DNAH17: variants seen among roughly 807,000 people sequenced by gnomAD.
The protein encoded by DNAH17 is axonemal beta dynein heavy chain 17.
DNAH17 carries 376 observed loss-of-function variants against 485.6 expected under a neutral mutation model. The observed-to-expected ratio is 0.77, with a 90% CI of 0.71 to 0.84. The LOEUF (loss-of-function observed/expected upper bound fraction) is 0.84. Among genes scored for constraint, DNAH17 ranks in the 40% least tolerant of loss-of-function variants. The pLI is 0.00. For synonymous variants in DNAH17, 3,031 were observed against 2,405.9 expected, an observed-to-expected ratio of 1.26 and a Z score of -7.60; for missense variants, 6,370 against 5,839.3, an observed-to-expected ratio of 1.09 and a Z score of -2.96.
chr17:78,468,581 G>A, intron 55 of DNAH17, 36 bp downstream of exon 55: 2 of 1,596,130 alleles, frequency 1.3e-6, no homozygotes, highest in Non-Finnish European at 1.7e-6. Context: ...GCACCAAGCT[G>A]GGCTCTTGAG....
intron 31 of DNAH17, among the ~76,000 whole-genome samples, chr17:78,503,737 G>C (rs917548461): frequency 1.3e-5 from 2 of 151,956 alleles, no homozygotes. Flanking sequence ...AGGCTGAGGC[G>C]GGTGGATCAC....
intron 26 of DNAH17, among the ~76,000 whole-genome samples, chr17:78,512,903 T>C (rs1410351668): frequency 8.4e-5 from 11 of 131,710 alleles, no homozygotes; most frequent in Admixed American, 8.2e-4. Flanking sequence ...ATTGTGTCAC[T>C]GAACTCCAGC....
intron 38 of DNAH17, 76 bp downstream of exon 38, chr17:78,495,799 C>T: frequency 1.3e-6 from 2 of 1,536,844 alleles, no homozygotes; most frequent in Non-Finnish European, 1.8e-6. Flanking sequence ...TCCCCTCTGC[C>T]CACTCCTTGG....
Position 78,459,208 on chromosome 17 carries a change from C to T in DNAH17, c.9654G>A (p.Lys3218=), listed in dbSNP as rs1446460694. 5 of 1,613,570 alleles carry T rather than the reference C, an allele frequency of 3.1e-6. No individual in the cohort carries two copies. The highest frequency in any genetic ancestry group is 4.2e-6 in the Non-Finnish European group (5 of 1,179,862). Residue 3218 remains lysine (K), a splice_region_variant and synonymous_variant, in exon 61 of 81, where the codon AAG becomes AAA. Coordinates refer to ENST00000389840, the MANE Select transcript of DNAH17 (RefSeq NM_173628.4). Reference sequence around the variant, plus strand: ...CGAACGTCGGGTTGCCTTGGTAGGGCCTAGCGAGGGAACCAGAGGGCCGGA... The same window carrying T: ...CGAACGTCGGGTTGCCTTGGTAGGGTCTAGCGAGGGAACCAGAGGGCCGGA... ...HIPEACLKAF[K]PYQGNPTFDP...
rs371804265 is a variant in DNAH17, at chr17:78,530,918, G to T, written c.3115-406C>A. Among the ~76,000 whole-genome samples the T allele has an allele frequency of 7.9e-5, 12 of 152,328 alleles. No homozygotes were observed. In the East Asian group the frequency reaches 2.1e-3, roughly 27 times the overall value. On this transcript the variant is annotated intron_variant, in intron 20 of 80. Transcript: ENST00000389840. ...TGCTACAGAATGTACCCCTGGGCATGGGTCACCCTTGCCCACGGGGCCCTC... is the reference window on the plus strand; with the variant it reads ...TGCTACAGAATGTACCCCTGGGCATTGGTCACCCTTGCCCACGGGGCCCTC...
intron 31 of DNAH17, among the ~76,000 whole-genome samples, chr17:78,503,931 A>G (rs924930562): frequency 3.3e-5 from 5 of 151,546 alleles, no homozygotes; most frequent in African/African-American, 9.7e-5. Context: ...GTGCCATTGC[A>G]CTCCAGCCTG....
At chr17:78,537,609 G>C (rs2091413142) in intron 18 of DNAH17, 128 bp from the exon 19 acceptor site, 3 of 1,139,052 alleles carry the variant, frequency 2.6e-6, no homozygotes, top group Non-Finnish European at 3.7e-6. Flanking sequence ...AAGCTTCTGA[G>C]AGCTCGTGTC....
intron 17 of DNAH17, among the ~76,000 whole-genome samples, chr17:78,542,880 C>G (rs919586459): frequency 6.6e-6 from 1 of 152,232 alleles, no homozygotes. Flanking sequence ...GATGGGAAAT[C>G]CACGGGGGAT....
rs376521932 is a variant in DNAH17, at chr17:78,479,016, G to C, written c.7992+9C>G. 6.2e-7 allele frequency: 1 copy of C among 1,612,174 alleles called. No homozygotes were observed. Among genetic ancestry groups the C allele is most frequent in the African/African-American group, 1.3e-5 (1 of 74,908 alleles). On this transcript the variant is annotated intron_variant, in intron 51 of 80. Transcript: ENST00000389840. ...AGGCAGGCATGACATAAAGCTACAA[G>C]AGCAGTACCTGGAAAATATTGGAGA...
intron 43 of DNAH17, 24 bp downstream of exon 43, chr17:78,491,419 G>A: frequency 6.2e-7 from 1 of 1,609,218 alleles, no homozygotes; most frequent in Non-Finnish European, 8.5e-7. Flanking sequence ...TGGCCTTGGG[G>A]CTTAGAGTCC....
chr17:78,517,104 G>A (rs534571113), intron 25 of DNAH17, among the ~76,000 whole-genome samples: 5 of 152,308 alleles, frequency 3.3e-5, no homozygotes, highest in East Asian at 1.9e-4. Flanking sequence ...GTACAGTGAC[G>A]TGATCTCAGC....
chr17:78,550,735 C>A (rs1366431367), intron 16 of DNAH17, among the ~76,000 whole-genome samples: 3 of 152,072 alleles, frequency 2.0e-5, no homozygotes, highest in Admixed American at 6.5e-5. Flanking sequence ...GATGGCCGCC[C>A]TAGCAAACAC....
At chr17:78,462,644 T>C (rs2088193431) in intron 57 of DNAH17, among the ~76,000 whole-genome samples, 200 bp downstream of exon 57, 1 of 152,224 alleles carries the variant, frequency 6.6e-6, no homozygotes, top group Admixed American at 6.5e-5. Flanking sequence ...GAAAGCATTT[T>C]GAGTCTGTTT....
chr17:78,449,616 G>A lies in DNAH17; in HGVS notation c.11041-32C>T, dbSNP rs58748314. 7,915 of 1,574,488 alleles carry A rather than the reference G, an allele frequency of 5.0e-3. 281 individuals carry two copies. In the African/African-American group the frequency reaches 0.079, roughly 16 times the overall value. ...ATCCGCCACCGAGAGCCATGGAGGCGTGCAGAGATGGAGCCCTTCACCACT... is the reference window on the plus strand; with the variant it reads ...ATCCGCCACCGAGAGCCATGGAGGCATGCAGAGATGGAGCCCTTCACCACT... On this transcript the variant is annotated intron_variant, in intron 68 of 80. Coordinates refer to ENST00000389840, the MANE Select transcript of DNAH17 (RefSeq NM_173628.4).
intron 9 of DNAH17, 54 bp from the exon 10 acceptor site, chr17:78,567,220 CCA>C: frequency 1.3e-6 from 2 of 1,545,606 alleles, no homozygotes; most frequent in African/African-American, 1.4e-5. Context: ...ACTCACGGGT[CCA>C]GTTACAAAAC....
rs755963663 is a variant in DNAH17 at position 78,530,425 on chromosome 17, G to C, written c.3202C>G (p.Pro1068Ala). ...GTGCTGAGCAGGGCCTGCTTGAAGG[G>C]GCGGCAGTCGCACTGCAGCCAGCCG... Reference protein sequence around the residue: ...FHGWLQCDCRPFKQALLSTIR... With the variant: ...FHGWLQCDCRAFKQALLSTIR... The change falls in exon 21 of 81, where the codon CCC becomes GCC. Residue 1068 changes from proline to alanine, a missense_variant. Physicochemically the swap from Pro to Ala is conservative, Grantham distance 27. Coordinates refer to ENST00000389840, the MANE Select transcript of DNAH17 (RefSeq NM_173628.4). 12 of 1,613,664 alleles carry C rather than the reference G, an allele frequency of 7.4e-6. No homozygotes were observed. The highest frequency in any genetic ancestry group is 1.3e-5 in the African/African-American group (1 of 75,046).
intron 61 of DNAH17, 107 bp downstream of exon 61, chr17:78,458,894 A>G: frequency 7.7e-7 from 1 of 1,300,378 alleles, no homozygotes; most frequent in Non-Finnish European, 1.1e-6. Flanking sequence ...CTGCTGAATA[A>G]TTCATGACGG....
intron 48 of DNAH17, among the ~76,000 whole-genome samples, chr17:78,483,780 G>T (rs529181485): frequency 6.6e-6 from 1 of 152,172 alleles, no homozygotes; most frequent in African/African-American, 2.4e-5. Flanking sequence ...GGCTCTTTTG[G>T]CCTGAGCTAC....
At position 78,475,490 on chromosome 17, in the gene DNAH17, C is replaced by T. The variant is rs144057202; in HGVS notation, c.8320-21G>A. 629 of 1,613,340 alleles carry T rather than the reference C, an allele frequency of 3.9e-4. 4 individuals carry two copies. The African/African-American group carries it at 7.7e-3, about 20-fold the overall frequency. On this transcript the variant is annotated intron_variant, in intron 53 of 80. Transcript: ENST00000389840. Reference sequence around the variant, plus strand: ...AGCACCTGCAGAAACCGGAGAGATCCCACAACATCTTGTAGCACCTGGAAT... The same window carrying T: ...AGCACCTGCAGAAACCGGAGAGATCTCACAACATCTTGTAGCACCTGGAAT...
Sources: allele counts gnomAD v4.1 joint callset (sites outside exome capture counted in the v4.1 genomes callset), GRCh38; gene constraint gnomAD v4.1.1; transcripts MANE v1.5; gene names NCBI Gene and HGNC (gene_info 2026-07-23, HGNC 2026-07-21).